TTN: variants seen among roughly 807,000 people sequenced by gnomAD.
TTN encodes the protein titin.
A neutral mutation model predicts 3,223.0 loss-of-function variants in TTN; 1,525 were observed. The ratio of observed to expected loss-of-function variants is 0.47; its 90% CI spans 0.45 to 0.49. TTN has a LOEUF of 0.49. TTN is among the 20% of genes least tolerant of loss of function. The probability of loss-of-function intolerance (pLI) is 0.00; values close to 1 mark genes in which losing one functional copy is unlikely to be tolerated. For missense variants in TTN, 40,786 were observed against 43,424.0 expected (o/e 0.94, Z 5.40); for synonymous variants, 14,094 against 15,161.0 (o/e 0.93, Z 5.17).
chr2:178,645,576 C>T (rs2061808187), intron 217 of TTN, among the ~76,000 whole-genome samples: 1 of 152,066 alleles, frequency 6.6e-6, no homozygotes, highest in Non-Finnish European at 1.5e-5. Flanking sequence ...TTATACATTC[C>T]TTAAGCATAA....
In TTN at chr2:178,800,422, T is replaced by C. The variant is rs1486250871; in HGVS notation, c.556A>G (p.Thr186Ala). Reference protein sequence around the residue: ...VNATNSVGRATSTAELLVQGE... With the variant: ...VNATNSVGRAASTAELLVQGE... ...TGAACCAGTAATTCAGCAGTCGAAG[T>C]AGCTCTTCCAACGCTATTGGTGGCA... Residue 186 changes from threonine to alanine, a missense_variant, in exon 4 of 363, where the codon ACT becomes GCT. By Grantham distance (58) the Thr-to-Ala change is moderately conservative. Coordinates refer to ENST00000589042, the MANE Select transcript of TTN (RefSeq NM_001267550.2). The C allele has an allele frequency of 6.2e-7, 1 of 1,614,070 alleles. No homozygotes were observed. The highest frequency in any genetic ancestry group is 8.5e-7 in the Non-Finnish European group (1 of 1,180,018).
chr2:178,767,100 C>T (rs1186261504), intron 40 of TTN, among the ~76,000 whole-genome samples: 2 of 152,166 alleles, frequency 1.3e-5, no homozygotes, highest in African/African-American at 4.8e-5. Context: ...TCTGAGTCCT[C>T]ATTGAAGCCT....
Position 178,717,557 on chromosome 2 carries a change from C to A in TTN, c.25317G>T (p.Gly8439=). 1.9e-6 allele frequency: 3 copies of A among 1,612,124 alleles called. No individual in the cohort carries two copies. The highest frequency in any genetic ancestry group is 2.5e-6 in the Non-Finnish European group (3 of 1,178,844). ...TGAGCTTGGCACTGGATGAAGCAGT[C>A]CCAAGAGGATTAGAAGCAGAGCAAT... is the stretch of plus-strand genomic sequence containing the variant. ...QYNCSASNPL[G]TASSSAKLIL... The change falls in exon 87 of 363, where the codon GGG becomes GGT. Residue 8439 remains glycine, a synonymous_variant. Coordinates refer to ENST00000589042, the MANE Select transcript of TTN (RefSeq NM_001267550.2).
rs1170300318 is a variant in TTN at position 178,575,751 on chromosome 2, T to C, written c.70381A>G (p.Ile23461Val). 1.2e-6 allele frequency: 2 copies of C among 1,613,514 alleles called. No individual in the cohort carries two copies. Among genetic ancestry groups the C allele is most frequent in the Admixed American group, 3.3e-5 (2 of 59,982 alleles). The change falls in exon 326 of 363, where the codon ATA (isoleucine) becomes GTA (valine). Residue 23461 changes from isoleucine (I) to valine (V), a missense_variant. Coordinates refer to ENST00000589042, the MANE Select transcript of TTN (RefSeq NM_001267550.2). The surrounding 1 kb of genome is among the most constrained non-coding windows in gnomAD (Gnocchi z 4.0). ...SVTLHWDLPL[I>V]DGGSRITNYI... ...TTTGTTATACGTGAGCCTCCATCTATCAGAGGGAGGTCCCAGTGCAGGGTG... is the reference window on the plus strand; with the variant it reads ...TTTGTTATACGTGAGCCTCCATCTACCAGAGGGAGGTCCCAGTGCAGGGTG...
Position 178,663,637 on chromosome 2 carries a change from T to A in TTN, c.36522A>T (p.Pro12174=). 6.2e-7 allele frequency: 1 copy of A among 1,613,696 alleles called. No homozygotes were observed. Among genetic ancestry groups the A allele is most frequent in the Non-Finnish European group, 8.5e-7 (1 of 1,179,726 alleles). The part of the protein sequence containing the change: ...PVAPPKEPEV[P]PVKVPEAPKE... ...ATCAGTGACAAATACCTTTAACAGG[T>A]GGGACTTCAGGCTCTTTAGGAGGAG... The change falls in exon 171 of 363, where the codon CCA becomes CCT. Residue 12174 remains proline, a synonymous_variant. Coordinates refer to ENST00000589042, the MANE Select transcript of TTN (RefSeq NM_001267550.2).
At position 178,575,963 on chromosome 2, in the gene TTN, T is replaced by C. The variant is rs747202126; in HGVS notation, c.70169A>G (p.Asn23390Ser). The change falls in exon 326 of 363, where the codon AAC becomes AGC. Residue 23390 changes from asparagine (N) to serine (S), a missense_variant. By Grantham distance (46) the Asn-to-Ser change is conservative. Transcript: ENST00000589042. The surrounding 1 kb of genome is among the most constrained non-coding windows in gnomAD (Gnocchi z 4.0). ...KDNINLKNRA[N>S]IENTESFTLL... is the part of the protein sequence containing the mutation. The stretch of plus-strand genomic sequence containing the variant: ...AGTAAATGATTCCGTATTTTCAATG[T>C]TGGCTCGGTTTTTCAGGTTGATGTT... 3 of 1,611,724 alleles carry C rather than the reference T, an allele frequency of 1.9e-6. No individual in the cohort carries two copies. The highest frequency in any genetic ancestry group is 1.3e-5 in the African/African-American group (1 of 75,004).
chr2:178,661,673 T>TA (rs1323916557), intron 180 of TTN, 86 bp downstream of exon 180: 6 of 710,300 alleles, frequency 8.4e-6, no homozygotes, highest in African/African-American at 2.8e-5. Context: ...TAAAGTATAA[T>TA]AAAAATATAT....
chr2:178,561,155 C>G lies in TTN; in HGVS notation c.84977G>C (p.Arg28326Pro), dbSNP rs200843338. 2 of 1,613,654 alleles carry G rather than the reference C, an allele frequency of 1.2e-6. No individual in the cohort carries two copies. The highest frequency in any genetic ancestry group is 2.2e-5 in the South Asian group (2 of 91,070). Residue 28326 changes from arginine to proline, a missense_variant, in exon 326 of 363, where the codon CGG (arginine) becomes CCG (proline). Arg to Pro is a moderately radical substitution (Grantham distance 103, BLOSUM62 -2). Coordinates refer to ENST00000589042, the MANE Select transcript of TTN (RefSeq NM_001267550.2). Reference sequence around the variant, plus strand: ...GTCAGCAGCATTCCTTGCAAAAACCCGGAATTCATAACGCTGATCTTCAGT... The same window carrying G: ...GTCAGCAGCATTCCTTGCAAAAACCGGGAATTCATAACGCTGATCTTCAGT... ...ELTEDQRYEFRVFARNAADSV... is the reference protein window; with the variant it reads ...ELTEDQRYEFPVFARNAADSV...
In TTN at chr2:178,652,254, G is replaced by A. The variant is rs1264648666; in HGVS notation, c.39211+10C>T. On this transcript the variant is annotated intron_variant, in intron 203 of 362. Transcript: ENST00000589042. ...AACAATATCAAACACAGCACCATGA[G>A]GGTGTCTACCTTTTGTGGGTGGCAC... 1 of 1,613,482 alleles carries A rather than the reference G, an allele frequency of 6.2e-7. No homozygotes were observed. Among genetic ancestry groups the A allele is most frequent in the South Asian group, 1.1e-5 (1 of 91,052 alleles).
intron 43 of TTN, among the ~76,000 whole-genome samples, chr2:178,759,446 A>C (rs550138307): frequency 6.6e-6 from 1 of 152,326 alleles, no homozygotes; most frequent in African/African-American, 2.4e-5. Flanking sequence ...TTCTCTTTAG[A>C]CATTTGCATG....
In TTN at chr2:178,682,899, T is replaced by C. The variant is rs2069811948; in HGVS notation, c.32892A>G (p.Val10964=). The part of the protein sequence containing the change: ...PKREPQPIKE[V]TIMEEKERAY... ...CCCTTTCTTTCTCTTCCATTATAGT[T>C]ACTTCTGAAACAATATTAACAACAG... The change falls in exon 135 of 363, where the codon GTA becomes GTG. Residue 10964 remains valine (V), a synonymous_variant. Coordinates refer to ENST00000589042, the MANE Select transcript of TTN (RefSeq NM_001267550.2). 1 of 1,599,152 alleles carries C rather than the reference T, an allele frequency of 6.3e-7. No individual in the cohort carries two copies. Among genetic ancestry groups the C allele is most frequent in the Admixed American group, 1.8e-5 (1 of 57,008 alleles).
chr2:178,687,619 C>T (rs72953388), intron 127 of TTN, among the ~76,000 whole-genome samples: 5 of 152,074 alleles, frequency 3.3e-5, no homozygotes, highest in Admixed American at 6.5e-5. Flanking sequence ...GTGACTTCTG[C>T]AATTGACTTA....
In TTN at chr2:178,558,485, A is replaced by C. The variant is rs769162510; in HGVS notation, c.86974T>G (p.Cys28992Gly). The change falls in exon 327 of 363, where the codon TGT becomes GGT. Residue 28992 changes from cysteine (C) to glycine (G), a missense_variant. Physicochemically the swap from Cys to Gly is radical, Grantham distance 159. Coordinates refer to ENST00000589042, the MANE Select transcript of TTN (RefSeq NM_001267550.2). ...LEKGQKNWVK[C>G]AVAKSTHHVV... ...TGATGGGTTGACTTTGCCACTGCAC[A>C]TTTAACCCAGTTTTTCTGTCCTTTT... 1.2e-6 allele frequency: 2 copies of C among 1,613,822 alleles called. No individual in the cohort carries two copies. Among genetic ancestry groups the C allele is most frequent in the Admixed American group, 1.7e-5 (1 of 59,992 alleles).
chr2:178,578,808 A>G lies in TTN; in HGVS notation c.68222T>C (p.Phe22741Ser). ...KSEPIVARHPFDVPDAPPPPN... is the reference protein window; with the variant it reads ...KSEPIVARHPSDVPDAPPPPN... The stretch of plus-strand genomic sequence containing the variant: ...TCTTCTGAATTTAAGACACTTACCA[A>G]ATGGATGTCTCGCAACAATTGGCTC... The change falls in exon 320 of 363, where the codon TTT becomes TCT. Residue 22741 changes from phenylalanine to serine, a missense_variant and splice_region_variant. Coordinates refer to ENST00000589042, the MANE Select transcript of TTN (RefSeq NM_001267550.2). 1 of 1,609,892 alleles carries G rather than the reference A, an allele frequency of 6.2e-7. No homozygotes were observed. Among genetic ancestry groups the G allele is most frequent in the South Asian group, 1.1e-5 (1 of 90,366 alleles).
In TTN at chr2:178,539,029, T is replaced by C. The variant is rs727504185; in HGVS notation, c.98906A>G (p.Gln32969Arg). 1.2e-6 allele frequency: 2 copies of C among 1,613,814 alleles called. No individual in the cohort carries two copies. Among genetic ancestry groups the C allele is most frequent in the East Asian group, 4.5e-5 (2 of 44,878 alleles). The change falls in exon 353 of 363, where the codon CAG (glutamine) becomes CGG (arginine). Residue 32969 changes from glutamine (Q) to arginine (R), a missense_variant. Physicochemically the swap from Gln to Arg is conservative, Grantham distance 43. Coordinates refer to ENST00000589042, the MANE Select transcript of TTN (RefSeq NM_001267550.2). The part of the protein sequence containing the change: ...VTGLVPDAEY[Q>R]FRIIAQNDVG... ...ATCATTCTGTGCGATGATGCGGAAC[T>C]GATACTCAGCATCGGGAACAAGCCC...
Position 178,717,125 on chromosome 2 carries a change from C to T in TTN, c.25609G>A (p.Asp8537Asn), listed in dbSNP as rs2077605401. The part of the protein sequence containing the change: ...TCYASNIAGK[D>N]SCSAQLGVQE... ...ACACCCAGCTGAGCAGAACAAGAGT[C>T]TTTTCCAGCGATGTTGCTTGCATAG... The change falls in exon 88 of 363, where the codon GAC (aspartate) becomes AAC (asparagine). Residue 8537 changes from aspartate (D) to asparagine (N), a missense_variant. By Grantham distance (23) the Asp-to-Asn change is conservative (BLOSUM62 1). Coordinates refer to ENST00000589042, the MANE Select transcript of TTN (RefSeq NM_001267550.2). The T allele has an allele frequency of 6.2e-7, 1 of 1,613,228 alleles. No individual in the cohort carries two copies. Among genetic ancestry groups the T allele is most frequent in the Non-Finnish European group, 8.5e-7 (1 of 1,179,418 alleles).
At chr2:178,671,949 G>A (rs1435976881) in intron 155 of TTN, 22 bp downstream of exon 155, 3 of 1,576,764 alleles carry the variant, frequency 1.9e-6, no homozygotes, top group Admixed American at 4.2e-5. Context: ...AGAATTTGTA[G>A]TATTTGAAGA....
In TTN at chr2:178,630,815, G is replaced by A. The variant is rs1448072807; in HGVS notation, c.44143C>T (p.Leu14715Phe). Residue 14715 changes from leucine (L) to phenylalanine (F), a missense_variant, in exon 238 of 363, where the codon CTC becomes TTC. Coordinates refer to ENST00000589042, the MANE Select transcript of TTN (RefSeq NM_001267550.2). ...ANWKLKGEAL[L>F]QTPDCEIKEE... The stretch of plus-strand genomic sequence containing the variant: ...AGAAATAGCCTTACAGGTGTTTGGA[G>A]TAGGGCCTCTCCCTTGAGTTTCCAG... 2 of 1,612,592 alleles carry A rather than the reference G, an allele frequency of 1.2e-6. No homozygotes were observed. Among genetic ancestry groups the A allele is most frequent in the African/African-American group, 2.7e-5 (2 of 74,826 alleles).
chr2:178,790,235 C>T (rs1036577921), intron 11 of TTN, 120 bp from the exon 12 acceptor site: 51 of 1,025,876 alleles, frequency 5.0e-5, no homozygotes, highest in Non-Finnish European at 6.2e-5. Context: ...ATTTTAATTG[C>T]ACTAAAATAT....
Sources: gnomAD v4.1 joint callset for allele counts (sites outside exome capture counted in the v4.1 genomes callset) on GRCh38, gnomAD v4.1.1 for gene constraint, Gnocchi (gnomAD v3.1) non-coding constraint, MANE v1.5 for transcripts, NCBI Gene and HGNC (gene_info 2026-07-23, HGNC 2026-07-21) for gene names.